The following CELF2 variants were observed in gnomAD, a reference collection of about 807,000 sequenced individuals.
The protein encoded by CELF2 is CUG triplet repeat RNA-binding protein 2.
A neutral mutation model predicts 62.6 loss-of-function variants in CELF2; 8 were observed. The observed-to-expected ratio is 0.13, with a 90% CI of 0.07 to 0.23. The LOEUF (loss-of-function observed/expected upper bound fraction) is 0.23, where lower values mean the gene tolerates loss of function less well. Ranked by LOEUF, CELF2 falls within the 10% of genes least tolerant of loss-of-function variation. The probability of loss-of-function intolerance (pLI) is 1.00; values close to 1 mark genes in which losing one functional copy is unlikely to be tolerated. For synonymous variants in CELF2, 258 were observed against 250.0 expected (o/e 1.03, Z -0.30); for missense variants, 333 against 671.0 (o/e 0.50, Z 5.56).
chr10:10,619,795 C>A, the CELF2 span, among the ~76,000 whole-genome samples: 25 of 152,120 alleles, frequency 1.6e-4, no homozygotes, highest in Non-Finnish European at 3.1e-4. Context: ...ATTGAGACCC[C>A]ATGGGCTTAC....
chr10:11,128,649 G>A (rs1423777054), intron 1 of CELF2, among the ~76,000 whole-genome samples: 2 of 152,126 alleles, frequency 1.3e-5, no homozygotes, highest in Admixed American at 1.3e-4. Flanking sequence ...ATTGTGAATG[G>A]GAGTTCACTC....
chr10:10,580,544 T>C, the CELF2 span, among the ~76,000 whole-genome samples: 2 of 152,326 alleles, frequency 1.3e-5, no homozygotes, highest in South Asian at 4.1e-4. Context: ...TAACCAACTG[T>C]GTGACCTTCG....
At chr10:10,731,349 C>A in the CELF2 span, among the ~76,000 whole-genome samples, 1 of 152,022 alleles carries the variant, frequency 6.6e-6, no homozygotes, top group Non-Finnish European at 1.5e-5. Flanking sequence ...AGTTGGATTA[C>A]CATGGTCATT....
intron 2 of CELF2, among the ~76,000 whole-genome samples, chr10:10,929,235 G>C (rs189734501): frequency 1.3e-5 from 2 of 152,266 alleles, no homozygotes; most frequent in East Asian, 3.9e-4. Context: ...AGAAATGCTT[G>C]AATCTTGTGT....
chr10:10,484,543 C>G, the CELF2 span, among the ~76,000 whole-genome samples: 3 of 151,024 alleles, frequency 2.0e-5, no homozygotes, highest in Non-Finnish European at 4.4e-5. Flanking sequence ...TCTCAAACTC[C>G]TGGACTTAAG....
At chr10:11,014,806 A>C (rs2057005141), upstream of CELF2, among the ~76,000 whole-genome samples, 2 of 152,158 alleles carry the variant, frequency 1.3e-5, no homozygotes. Flanking sequence ...CCAATTCTTG[A>C]ATTGCCTTTT....
intron 1 of CELF2, among the ~76,000 whole-genome samples, chr10:10,847,942 T>C (rs1463830615): frequency 6.6e-6 from 1 of 152,194 alleles, no homozygotes; most frequent in Non-Finnish European, 1.5e-5. Context: ...TAAATTAAAG[T>C]ACATTTAATT....
chr10:10,839,493 T>C (rs948396255), intron 1 of CELF2, among the ~76,000 whole-genome samples: 1 of 152,232 alleles, frequency 6.6e-6, no homozygotes, highest in Non-Finnish European at 1.5e-5. Flanking sequence ...TGTTAAGCCA[T>C]ACCTACACCC....
the CELF2 span, among the ~76,000 whole-genome samples, chr10:10,606,208 A>G: frequency 6.6e-6 from 1 of 152,188 alleles, no homozygotes; most frequent in Admixed American, 6.5e-5. Flanking sequence ...CATTTAATGG[A>G]ATATGTGCAG....
Position 11,318,129 on chromosome 10 carries a change from T to A in CELF2, c.1097-3060T>A, listed in dbSNP as rs2095172450. 1 of 152,544 alleles carries A rather than the reference T, an allele frequency of 6.6e-6. No individual in the cohort carries two copies. The highest frequency in any genetic ancestry group is 1.5e-5 in the Non-Finnish European group (1 of 68,382). The allele number at this position is 152,544 out of a possible 1,614,324, so 9.4% of individuals were successfully genotyped here. ...TTGATAGAATTAATCTAGAACAACATCAGGTGACTCACAGGAACTGTTCTC... is the reference window on the plus strand; with the variant it reads ...TTGATAGAATTAATCTAGAACAACAACAGGTGACTCACAGGAACTGTTCTC... On this transcript the variant is annotated intron_variant, in intron 10 of 12. Coordinates refer to ENST00000633077, the MANE Select transcript of CELF2 (RefSeq NM_001326342.2). The surrounding 1 kb of genome is among the most constrained non-coding windows in gnomAD (Gnocchi z 5.4).
intron 2 of CELF2, among the ~76,000 whole-genome samples, chr10:10,984,859 T>G (rs1169640333): frequency 6.6e-6 from 1 of 152,140 alleles, no homozygotes; most frequent in Admixed American, 6.5e-5. Flanking sequence ...GGACTAAATG[T>G]TTGTCCTTAT....
intron 1 of CELF2, among the ~76,000 whole-genome samples, chr10:11,067,983 G>C (rs1321542462): frequency 6.6e-6 from 1 of 152,226 alleles, no homozygotes; most frequent in African/African-American, 2.4e-5. Context: ...TCACACAGTA[G>C]GGGATGGGGG....
At chr10:10,861,396 T>C (rs1246124046) in intron 1 of CELF2, among the ~76,000 whole-genome samples, 1 of 152,182 alleles carries the variant, frequency 6.6e-6, no homozygotes, top group Admixed American at 6.5e-5. Context: ...TTAAATTAGG[T>C]TGCAGTGGAT....
the CELF2 span, among the ~76,000 whole-genome samples, chr10:10,569,076 C>A: frequency 6.6e-6 from 1 of 152,118 alleles, no homozygotes; most frequent in Non-Finnish European, 1.5e-5. Flanking sequence ...AAAACTATGG[C>A]AGTGGAAGAA....
chr10:10,684,353 G>A, the CELF2 span, among the ~76,000 whole-genome samples: 7 of 152,170 alleles, frequency 4.6e-5, no homozygotes, highest in African/African-American at 9.7e-5. Flanking sequence ...TCTACGTCCC[G>A]CCTTCTTACC....
At chr10:10,520,306 G>A in the CELF2 span, among the ~76,000 whole-genome samples, 1 of 152,092 alleles carries the variant, frequency 6.6e-6, no homozygotes, top group Non-Finnish European at 1.5e-5. Flanking sequence ...TGTCAACAAA[G>A]GATACCACTC....
At chr10:10,857,088 T>G (rs2059760227) in intron 1 of CELF2, among the ~76,000 whole-genome samples, 1 of 151,992 alleles carries the variant, frequency 6.6e-6, no homozygotes. Flanking sequence ...AGAACAATAG[T>G]TTGCTAATGA....
At chr10:10,682,620 C>T in the CELF2 span, among the ~76,000 whole-genome samples, 35 of 152,120 alleles carry the variant, frequency 2.3e-4, no homozygotes, top group African/African-American at 7.9e-4. Flanking sequence ...GGGATATAAA[C>T]ATTTCTCTTG....
At chr10:11,056,666 TG>T (rs1414720224) in intron 1 of CELF2, among the ~76,000 whole-genome samples, 1 of 152,186 alleles carries the variant, frequency 6.6e-6, no homozygotes, top group African/African-American at 2.4e-5. Flanking sequence ...ATTTATTTCT[TG>T]GTAGAAATGA....
Sources: allele counts gnomAD v4.1 joint callset (sites outside exome capture counted in the v4.1 genomes callset), GRCh38; gene constraint gnomAD v4.1.1; non-coding constraint Gnocchi (gnomAD v3.1); transcripts MANE v1.5; gene names NCBI Gene and HGNC (gene_info 2026-07-23, HGNC 2026-07-21).